ADGRG2: variants seen among roughly 807,000 people sequenced by gnomAD.
ADGRG2 encodes G protein-coupled receptor 64.
ADGRG2 carries 26 observed loss-of-function variants against 74.1 expected under a neutral mutation model. The ratio of observed to expected loss-of-function variants is 0.35; its 90% CI spans 0.26 to 0.49. The LOEUF is 0.49. ADGRG2 is among the 20% of genes least tolerant of loss of function. The pLI is 0.99. For synonymous variants in ADGRG2, 296 were observed against 295.2 expected, an observed-to-expected ratio of 1.00 and a Z score of -0.03; for missense variants, 619 against 763.1, an observed-to-expected ratio of 0.81 and a Z score of 2.22.
At chrX:19,081,891 T>C (rs1484213816) in intron 2 of ADGRG2, among the ~76,000 whole-genome samples, 2 of 108,551 alleles carry the variant, frequency 1.8e-5, no homozygotes, top group Non-Finnish European at 3.8e-5. Context: ...TCTGGCAGCA[T>C]AGGGAGATCC....
chrX:18,999,289 G>A lies in ADGRG2; in HGVS notation c.2331-10C>T. 1.7e-6 allele frequency: 2 copies of A among 1,170,425 alleles called. No individual in the cohort carries two copies. The highest frequency in any genetic ancestry group is 2.3e-6 in the Non-Finnish European group (2 of 869,848). ...GTTGTTGATCCAGCAGCTGGAGTTT[G>A]TGGAGGGGGGGAAACAGGGGAAAAC... On this transcript the variant is annotated splice_polypyrimidine_tract_variant and intron_variant, in intron 25 of 28. Transcript: ENST00000379869.
intron 3 of ADGRG2, among the ~76,000 whole-genome samples, chrX:19,060,416 G>T (rs1050696099): frequency 9.0e-6 from 1 of 111,343 alleles, no homozygotes; most frequent in African/African-American, 3.3e-5. Flanking sequence ...CCTTAAAATG[G>T]GATTGCAGAG....
intron 1 of ADGRG2, among the ~76,000 whole-genome samples, chrX:19,094,427 C>T (rs2062062932): frequency 1.8e-5 from 2 of 110,438 alleles, no homozygotes; most frequent in African/African-American, 6.6e-5. Flanking sequence ...AGTGACCAGG[C>T]AGAGCCCAGT....
Position 18,999,869 on chromosome X carries a change from C to T in ADGRG2, c.2322G>A (p.Pro774=), listed in dbSNP as rs776550636. The change falls in exon 25 of 29, where the codon CCG becomes CCA. Residue 774 remains proline, a synonymous_variant. Coordinates refer to ENST00000379869, the MANE Select transcript of ADGRG2 (RefSeq NM_001079858.3). ...GSYGKFPNGS[P]DDFCWINNNA... is the part of the protein sequence containing the mutation. ...GGGGGCTTTGTACTCACAAGTCATC[C>T]GGTGAACCATTGGGGAATTTCCCAT... is the stretch of plus-strand genomic sequence containing the variant. 6.9e-6 allele frequency: 8 copies of T among 1,157,339 alleles called. No individual in the cohort carries two copies. Among genetic ancestry groups the T allele is most frequent in the Non-Finnish European group, 9.4e-6 (8 of 847,679 alleles).
chrX:19,102,896 T>C (rs751855167), intron 1 of ADGRG2, among the ~76,000 whole-genome samples: 1 of 111,588 alleles, frequency 9.0e-6, no homozygotes, highest in African/African-American at 3.3e-5. Context: ...TAAATTTCTG[T>C]TGTTTAGACC....
intron 3 of ADGRG2, among the ~76,000 whole-genome samples, chrX:19,045,184 T>C (rs965447900): frequency 1.6e-4 from 18 of 110,623 alleles, no homozygotes; most frequent in African/African-American, 5.9e-4. Context: ...AGACCTGAGA[T>C]TTGAACGAAG....
chrX:19,068,826 G>C lies in ADGRG2; in HGVS notation c.9C>G (p.Phe3Leu). Residue 3 changes from phenylalanine (F) to leucine (L), a missense_variant, in exon 3 of 29, where the codon TTC becomes TTG. Around this residue, in one of 3 missense-constraint regions of ADGRG2, gnomAD observed 292 missense variants for 318.0 expected, o/e 0.92. Transcript: ENST00000379869. ...CAACATGGCCACACTGCCTGACAGAGAAAACCATCCTGGAATAAAGTAAGG... is the reference window on the plus strand; with the variant it reads ...CAACATGGCCACACTGCCTGACAGACAAAACCATCCTGGAATAAAGTAAGG... MVFSVRQCGHVGR... is the reference protein window; with the variant it reads MVLSVRQCGHVGR... The C allele has an allele frequency of 1.9e-6, 2 of 1,054,122 alleles. No homozygotes were observed. Among genetic ancestry groups the C allele is most frequent in the Non-Finnish European group, 1.3e-6 (1 of 761,082 alleles). The allele number at this position is 1,054,122 out of a possible 1,213,427, so 86.9% of individuals were successfully genotyped here.
intron 24 of ADGRG2, among the ~76,000 whole-genome samples, chrX:19,002,002 A>G (rs1302275918): frequency 9.0e-6 from 1 of 110,994 alleles, no homozygotes; most frequent in African/African-American, 3.3e-5. Context: ...TTACTTGTAG[A>G]TTATCTAAAG....
At chrX:19,015,166 T>A (rs1384044986) in intron 15 of ADGRG2, among the ~76,000 whole-genome samples, 1 of 111,626 alleles carries the variant, frequency 9.0e-6, no homozygotes, top group African/African-American at 3.3e-5. Context: ...CAGGGAATAT[T>A]TACTCAAGGA....
rs187769889 is a variant in ADGRG2 at position 18,998,380 on chromosome X, G to A, written c.2614+616C>T. 6.9e-3 allele frequency among the ~76,000 whole-genome samples: 765 copies of A among 110,703 alleles called. 1 individual carries two copies. The highest frequency in any genetic ancestry group is 0.017 in the South Asian group (45 of 2,650). ...GAAGAATAATTGACTTTTTCAAAAAGTGTTCCTGGCAGGTTCCCCTCAATA... is the reference window on the plus strand; with the variant it reads ...GAAGAATAATTGACTTTTTCAAAAAATGTTCCTGGCAGGTTCCCCTCAATA... On this transcript the variant is annotated intron_variant, in intron 26 of 28. Coordinates refer to ENST00000379869, the MANE Select transcript of ADGRG2 (RefSeq NM_001079858.3).
At chrX:19,024,063 C>A in intron 11 of ADGRG2, 115 bp from the exon 12 acceptor site, 1 of 517,251 alleles carries the variant, frequency 1.9e-6, no homozygotes, top group South Asian at 3.0e-5. Flanking sequence ...TTATGGTGTT[C>A]ACTTTGAAGA....
At chrX:19,079,280 G>A (rs150059140) in intron 2 of ADGRG2, among the ~76,000 whole-genome samples, 2,102 of 111,674 alleles carry the variant, frequency 0.019, 56 homozygotes, top group African/African-American at 0.063. Flanking sequence ...TCATAACCCC[G>A]ATGCCAAAAC....
intron 1 of ADGRG2, among the ~76,000 whole-genome samples, chrX:19,096,479 A>G (rs2062099377): frequency 9.0e-6 from 1 of 111,377 alleles, no homozygotes; most frequent in Non-Finnish European, 1.9e-5. Context: ...TGATAGAAAA[A>G]TGATTCTGCC....
intron 28 of ADGRG2, among the ~76,000 whole-genome samples, chrX:18,992,545 C>T (rs187076832): frequency 1.8e-5 from 2 of 112,279 alleles, no homozygotes; most frequent in East Asian, 5.6e-4. Flanking sequence ...CCTAACTTAG[C>T]CTCCCAAAGT....
At chrX:19,010,267 C>T (rs1263115504) in intron 17 of ADGRG2, among the ~76,000 whole-genome samples, 2 of 109,239 alleles carry the variant, frequency 1.8e-5, no homozygotes, top group African/African-American at 6.7e-5. Flanking sequence ...ACTACAGGCA[C>T]GCATCACCAT....
At chrX:19,117,626 G>T (rs1410555409) in intron 1 of ADGRG2, among the ~76,000 whole-genome samples, 2 of 110,671 alleles carry the variant, frequency 1.8e-5, no homozygotes, top group African/African-American at 6.6e-5. Flanking sequence ...AGACCAGCCT[G>T]GCCAATATGG....
At chrX:19,095,927 G>A (rs1462709222) in intron 1 of ADGRG2, among the ~76,000 whole-genome samples, 1 of 111,760 alleles carries the variant, frequency 8.9e-6, no homozygotes, top group East Asian at 2.8e-4. Context: ...GCTGAGATGG[G>A]AGGATTGCTT....
chrX:19,087,180 G>A (rs909411479), intron 1 of ADGRG2, among the ~76,000 whole-genome samples: 1 of 112,114 alleles, frequency 8.9e-6, no homozygotes, highest in Non-Finnish European at 1.9e-5. Flanking sequence ...AGACTGGTTT[G>A]TTCAGTTCTG....
At chrX:19,103,279 A>G (rs2062220160) in intron 1 of ADGRG2, among the ~76,000 whole-genome samples, 2 of 111,858 alleles carry the variant, frequency 1.8e-5, no homozygotes, top group African/African-American at 6.5e-5. Flanking sequence ...CGGTTTACAA[A>G]TGCCATGGCA....
Sources: allele counts gnomAD v4.1 joint callset (sites outside exome capture counted in the v4.1 genomes callset), GRCh38; gene constraint gnomAD v4.1.1; regional missense constraint gnomAD v4.1.1; transcripts MANE v1.5; gene names NCBI Gene and HGNC (gene_info 2026-07-23, HGNC 2026-07-21).